The following FARS2 variants were observed in gnomAD, a reference collection of about 807,000 sequenced individuals.
FARS2 encodes phenylalanyl-tRNA synthetase 2, mitochondrial.
In FARS2, 40 loss-of-function variants were observed where a neutral mutation model predicts 46.4. The ratio of observed to expected loss-of-function variants is 0.86; its 90% CI spans 0.67 to 1.12. The LOEUF is 1.12. FARS2 is among the 50% of genes most tolerant of loss of function. The pLI is 0.00. For synonymous variants in FARS2, 234 were observed against 214.9 expected (o/e 1.09, Z -0.78); for missense variants, 513 against 567.9 (o/e 0.90, Z 0.98).
intron 4 of FARS2, among the ~76,000 whole-genome samples, chr6:5,514,666 G>A (rs867237166): frequency 2.6e-5 from 4 of 152,106 alleles, no homozygotes; most frequent in Admixed American, 6.5e-5. Context: ...CTTTCCAAAT[G>A]TTCCACTACA....
At chr6:5,580,497 C>T (rs970146131) in intron 5 of FARS2, among the ~76,000 whole-genome samples, 1 of 152,144 alleles carries the variant, frequency 6.6e-6, no homozygotes, top group African/African-American at 2.4e-5. Context: ...TGCCCCTGTC[C>T]TAACAGCTGC....
intron 1 of FARS2, among the ~76,000 whole-genome samples, chr6:5,287,768 C>T (rs57613086): frequency 0.036 from 5,512 of 152,210 alleles, 350 homozygotes; most frequent in African/African-American, 0.12. Context: ...TTAGTACACA[C>T]GGGGAATTCC....
chr6:5,260,611 G>GGCCCCCCCCC, upstream of FARS2: 2 of 1,377,682 alleles, frequency 1.5e-6, no homozygotes, highest in Non-Finnish European at 2.0e-6. Context: ...CCGGCCCCTG[G>GGCCCCCCCCC]CCCCCCGCCC....
intron 5 of FARS2, among the ~76,000 whole-genome samples, chr6:5,590,499 G>T (rs541798635): frequency 6.6e-6 from 1 of 152,318 alleles, no homozygotes; most frequent in East Asian, 1.9e-4. Context: ...TGTTTGATGA[G>T]GGACAGGCTG....
At chr6:5,751,074 G>A (rs962799664) in intron 6 of FARS2, among the ~76,000 whole-genome samples, 2 of 152,100 alleles carry the variant, frequency 1.3e-5, no homozygotes, top group African/African-American at 4.8e-5. Flanking sequence ...TGTTTTTTCT[G>A]AGTTGTACGA....
chr6:5,279,465 G>A (rs1485793276), intron 1 of FARS2, among the ~76,000 whole-genome samples: 2 of 150,752 alleles, frequency 1.3e-5, no homozygotes, highest in Admixed American at 6.6e-5. Flanking sequence ...AGAATGACAA[G>A]TGTATATAAA....
intron 2 of FARS2, among the ~76,000 whole-genome samples, chr6:5,390,229 A>G (rs1030068090): frequency 2.6e-5 from 4 of 152,170 alleles, no homozygotes; most frequent in African/African-American, 9.7e-5. Flanking sequence ...AGTGAGTACT[A>G]TTGCTTTCTT....
chr6:5,360,931 G>A (rs1446652300), intron 1 of FARS2, among the ~76,000 whole-genome samples: 1 of 152,160 alleles, frequency 6.6e-6, no homozygotes, highest in Non-Finnish European at 1.5e-5. Flanking sequence ...TATATTACCT[G>A]AACCAAAGAA....
At chr6:5,390,009 C>T (rs1337992303) in intron 2 of FARS2, among the ~76,000 whole-genome samples, 5 of 152,094 alleles carry the variant, frequency 3.3e-5, no homozygotes, top group African/African-American at 1.2e-4. Flanking sequence ...GGATTACAGG[C>T]ACGCGCCACC....
intron 5 of FARS2, among the ~76,000 whole-genome samples, chr6:5,584,740 G>A (rs1773524752): frequency 6.6e-6 from 1 of 151,986 alleles, no homozygotes; most frequent in Non-Finnish European, 1.5e-5. Context: ...AGAGGTCTTC[G>A]AAATAAATCT....
At chr6:5,767,636 A>G (rs1762822377) in intron 6 of FARS2, among the ~76,000 whole-genome samples, 1 of 152,178 alleles carries the variant, frequency 6.6e-6, no homozygotes, top group Non-Finnish European at 1.5e-5. Flanking sequence ...TAAGTTACTT[A>G]TGGTCTTTGT....
intron 1 of FARS2, among the ~76,000 whole-genome samples, chr6:5,287,963 G>T (rs1290883431): frequency 6.6e-6 from 1 of 152,086 alleles, no homozygotes; most frequent in Non-Finnish European, 1.5e-5. Context: ...GGTAGTGCAG[G>T]TATCTGTCAT....
intron 6 of FARS2, among the ~76,000 whole-genome samples, chr6:5,726,058 A>T (rs918489702): frequency 2.0e-5 from 3 of 152,244 alleles, no homozygotes; most frequent in Non-Finnish European, 4.4e-5. Context: ...AGTAGGGCAC[A>T]GTAGAGGCCT....
intron 5 of FARS2, among the ~76,000 whole-genome samples, chr6:5,552,357 C>G (rs1203057007): frequency 6.6e-6 from 1 of 152,152 alleles, no homozygotes. Context: ...ACTTGTGGAT[C>G]CCCTGGCCAG....
In FARS2 at chr6:5,752,282, G is replaced by A. The variant is rs115995975; in HGVS notation, c.1218-19009G>A. 5.4e-3 allele frequency among the ~76,000 whole-genome samples: 821 copies of A among 152,166 alleles called. 8 individuals carry two copies. Among genetic ancestry groups the A allele is most frequent in the South Asian group, 0.032 (153 of 4,812 alleles). On this transcript the variant is annotated intron_variant, in intron 6 of 6. Coordinates refer to ENST00000274680, the MANE Select transcript of FARS2 (RefSeq NM_006567.5). ...GTTCTGGTGGATGTTGTCTAATTGC[G>A]GTCTGTTAGATTTTAATTACTCATG...
intron 6 of FARS2, among the ~76,000 whole-genome samples, chr6:5,733,042 G>T (rs541791956): frequency 6.6e-6 from 1 of 152,156 alleles, no homozygotes; most frequent in African/African-American, 2.4e-5. Flanking sequence ...GAAGTGAGGG[G>T]TTGAGCTTGG....
At chr6:5,490,758 A>G (rs1767058037) in intron 4 of FARS2, among the ~76,000 whole-genome samples, 1 of 152,212 alleles carries the variant, frequency 6.6e-6, no homozygotes, top group African/African-American at 2.4e-5. Flanking sequence ...AGCCTTATGC[A>G]GAGACCCACA....
chr6:5,705,610 A>G (rs775449817), intron 6 of FARS2, among the ~76,000 whole-genome samples: 3 of 152,002 alleles, frequency 2.0e-5, no homozygotes, highest in Non-Finnish European at 2.9e-5. Flanking sequence ...CATTCTCCCC[A>G]CTGAAACCCA....
At chr6:5,531,651 CAG>C (rs1317709620) in intron 4 of FARS2, among the ~76,000 whole-genome samples, 4 of 152,126 alleles carry the variant, frequency 2.6e-5, no homozygotes, top group Non-Finnish European at 2.9e-5. Context: ...CACTTTTTGA[CAG>C]AGTGTTTGGG....
Sources: allele counts gnomAD v4.1 joint callset (sites outside exome capture counted in the v4.1 genomes callset), GRCh38; gene constraint gnomAD v4.1.1; transcripts MANE v1.5; gene names NCBI Gene and HGNC (gene_info 2026-07-23, HGNC 2026-07-21).